Variants in RGS7 observed in about 807,000 individuals in gnomAD.
RGS7 encodes regulator of G protein signaling 7, also known as regulator of G-protein signaling 7.
RGS7 carries 27 observed loss-of-function variants against 81.1 expected under a neutral mutation model. The observed-to-expected ratio is 0.33, with a 90% CI of 0.25 to 0.46. The LOEUF is 0.46. Ranked by LOEUF, RGS7 falls within the 20% of genes least tolerant of loss-of-function variation. The pLI is 1.00. For missense variants in RGS7, 396 were observed against 607.4 expected (o/e 0.65, Z 3.66); for synonymous variants, 208 against 207.7 (o/e 1.00, Z -0.01).
intron 3 of RGS7, among the ~76,000 whole-genome samples, chr1:241,068,159 T>C (rs2062180469): frequency 6.7e-6 from 1 of 150,146 alleles, no homozygotes; most frequent in Non-Finnish European, 1.5e-5. Flanking sequence ...CTGCATTAAT[T>C]CAGTGGGTCA....
At chr1:240,851,459 T>G (rs951855074) in intron 9 of RGS7, among the ~76,000 whole-genome samples, 3 of 152,238 alleles carry the variant, frequency 2.0e-5, no homozygotes, top group African/African-American at 7.2e-5. Flanking sequence ...CTGATGGAGA[T>G]GTACAAGGAG....
At chr1:240,871,998 G>T (rs1664574437) in intron 6 of RGS7, among the ~76,000 whole-genome samples, 1 of 152,002 alleles carries the variant, frequency 6.6e-6, no homozygotes, top group Non-Finnish European at 1.5e-5. Flanking sequence ...TCACCATTAG[G>T]TACCCTAATG....
rs569499817 is a variant in RGS7, at chr1:240,984,435, G to A, written c.176-1306C>T. On this transcript the variant is annotated intron_variant, in intron 3 of 18. Transcript: ENST00000440928. ...GACTTTACGACTAATTAGGTATAAA[G>A]GTTATAAGTAGGAGAGATTAAAAAA... is the stretch of plus-strand genomic sequence containing the variant. 7.2e-5 allele frequency among the ~76,000 whole-genome samples: 11 copies of A among 152,252 alleles called. 1 individual carries two copies. In the South Asian group the frequency reaches 1.2e-3, roughly 17 times the overall value.
chr1:241,230,681 G>A (rs1393557055), intron 2 of RGS7, among the ~76,000 whole-genome samples: 1 of 150,414 alleles, frequency 6.6e-6, no homozygotes, highest in Non-Finnish European at 1.5e-5. Context: ...GTACAATGAC[G>A]CAGGGAAAGA....
At chr1:241,197,341 G>A (rs2073158651) in intron 2 of RGS7, among the ~76,000 whole-genome samples, 1 of 6,206 alleles carries the variant, frequency 1.6e-4, no homozygotes, top group East Asian at 8.5e-3. Context: ...TGCAAGCTCC[G>A]CCTCCCGGGT....
At chr1:241,123,913 C>T (rs936508527) in intron 2 of RGS7, among the ~76,000 whole-genome samples, 1 of 152,084 alleles carries the variant, frequency 6.6e-6, no homozygotes, top group African/African-American at 2.4e-5. Flanking sequence ...GAGGGCCTGC[C>T]CCTGGAGAAG....
intron 6 of RGS7, among the ~76,000 whole-genome samples, chr1:240,887,950 A>T (rs1380023501): frequency 6.6e-6 from 1 of 152,160 alleles, no homozygotes; most frequent in Non-Finnish European, 1.5e-5. Context: ...TTGCTGGGCC[A>T]CTTGGGGATA....
chr1:241,255,680 G>A (rs1032078370), intron 2 of RGS7, among the ~76,000 whole-genome samples: 45 of 152,298 alleles, frequency 3.0e-4, no homozygotes, highest in South Asian at 8.3e-4. Context: ...GATAAATGTG[G>A]AGAGAATTCT....
chr1:240,886,498 G>A (rs2148119490), intron 6 of RGS7, among the ~76,000 whole-genome samples: 1 of 152,314 alleles, frequency 6.6e-6, no homozygotes, highest in African/African-American at 2.4e-5. Flanking sequence ...CTATAAAAAT[G>A]TAAACCCCAA....
chr1:240,920,206 T>G, intron 6 of RGS7: 1 of 1,123,542 alleles, frequency 8.9e-7, no homozygotes, highest in Non-Finnish European at 1.3e-6. Context: ...AAGCAAGAGA[T>G]AGCTAGTGCT....
intron 2 of RGS7, among the ~76,000 whole-genome samples, chr1:241,215,494 A>C (rs1175747525): frequency 1.3e-5 from 2 of 152,190 alleles, no homozygotes; most frequent in Admixed American, 6.5e-5. Flanking sequence ...GAGTCAACCA[A>C]GGACTTGAGA....
At chr1:241,199,359 G>C (rs1461898239) in intron 2 of RGS7, among the ~76,000 whole-genome samples, 1 of 151,910 alleles carries the variant, frequency 6.6e-6, no homozygotes, top group Non-Finnish European at 1.5e-5. Context: ...GGGAGGCTGA[G>C]GTTGCACTGA....
chr1:240,841,943 GAAA>G (rs1355356138), intron 9 of RGS7, among the ~76,000 whole-genome samples: 6 of 152,018 alleles, frequency 3.9e-5, no homozygotes, highest in Non-Finnish European at 8.8e-5. Flanking sequence ...AAGATTCTTG[GAAA>G]AGTAGAAACT....
At chr1:240,942,538 T>C (rs562218184) in intron 4 of RGS7, among the ~76,000 whole-genome samples, 3 of 152,356 alleles carry the variant, frequency 2.0e-5, no homozygotes, top group East Asian at 1.9e-4. Flanking sequence ...TTTATGTGCA[T>C]GTATTAACAT....
At chr1:240,969,086 C>CT (rs1380796979) in intron 4 of RGS7, among the ~76,000 whole-genome samples, 3 of 152,202 alleles carry the variant, frequency 2.0e-5, no homozygotes, top group Non-Finnish European at 4.4e-5. Context: ...AGTGGCTACC[C>CT]TGATGAATAG....
At chr1:241,126,144 A>ATTT (rs1249210981) in intron 2 of RGS7, among the ~76,000 whole-genome samples, 1 of 150,490 alleles carries the variant, frequency 6.6e-6, no homozygotes, top group Non-Finnish European at 1.5e-5. Context: ...TTATTTATTT[A>ATTT]TTTATTATTA....
chr1:241,033,233 C>T (rs545639704), intron 3 of RGS7, among the ~76,000 whole-genome samples: 1 of 152,078 alleles, frequency 6.6e-6, no homozygotes, highest in Non-Finnish European at 1.5e-5. Context: ...CACCTGTGGT[C>T]CCACCTACCC....
At position 240,868,528 on chromosome 1, in the gene RGS7, C is replaced by A; in HGVS notation, c.609+59G>T. ...TCTTTCACTTACTTTGGCAGGGCAC[C>A]CCTCACTTCCCACAGACGGAGAAGA... On this transcript the variant is annotated intron_variant, in intron 9 of 18. Coordinates refer to ENST00000440928, the MANE Select transcript of RGS7 (RefSeq NM_001364886.1). The surrounding 1 kb of genome is among the most constrained non-coding windows in gnomAD (Gnocchi z 5.1). The A allele has an allele frequency of 6.8e-7, 1 of 1,473,810 alleles. No individual in the cohort carries two copies. Among genetic ancestry groups the A allele is most frequent in the East Asian group, 2.3e-5 (1 of 44,218 alleles). The allele number at this position is 1,473,810 out of a possible 1,614,324, so 91.3% of individuals were successfully genotyped here. A position where few individuals can be genotyped will look rare whatever the true frequency, so the allele number is the denominator to read the frequency against.
At chr1:241,255,198 C>G (rs1181206591) in intron 2 of RGS7, among the ~76,000 whole-genome samples, 1 of 152,186 alleles carries the variant, frequency 6.6e-6, no homozygotes, top group Non-Finnish European at 1.5e-5. Context: ...TACAAGCAGA[C>G]TATCGCCAGT....
Sources: allele counts gnomAD v4.1 joint callset (sites outside exome capture counted in the v4.1 genomes callset), GRCh38; gene constraint gnomAD v4.1.1; non-coding constraint Gnocchi (gnomAD v3.1); transcripts MANE v1.5; gene names NCBI Gene and HGNC (gene_info 2026-07-23, HGNC 2026-07-21).